The following CCDC62 variants were observed in gnomAD, a reference collection of about 807,000 sequenced individuals.
CCDC62 encodes the protein coiled-coil domain-containing protein 62.
Under a neutral mutation model 80.8 loss-of-function variants are expected in CCDC62, and 72 were observed. The observed-to-expected ratio is 0.89, with a 90% CI of 0.74 to 1.08. CCDC62 has a LOEUF of 1.08. Ranked by LOEUF, CCDC62 falls within the 50% of genes least tolerant of loss-of-function variation. CCDC62 has a pLI of 0.00. For missense variants in CCDC62, 704 were observed against 809.4 expected, an observed-to-expected ratio of 0.87 and a Z score of 1.58; for synonymous variants, 286 against 296.5, an observed-to-expected ratio of 0.96 and a Z score of 0.36.
chr12:122,793,139 A>T (rs1224830415), intron 6 of CCDC62, among the ~76,000 whole-genome samples: 3 of 152,186 alleles, frequency 2.0e-5, no homozygotes, highest in South Asian at 4.1e-4. Context: ...AAATCATCTC[A>T]CACAAAGGCT....
At chr12:122,788,524 CTAACTAGCTGTG>C (rs1239688533) in intron 4 of CCDC62, among the ~76,000 whole-genome samples, 5 of 152,224 alleles carry the variant, frequency 3.3e-5, no homozygotes, top group African/African-American at 7.2e-5. Flanking sequence ...GGCTCCACCA[CTAACTAGCTGTG>C]TAACCGTGGG....
Position 122,774,679 on chromosome 12 carries a change from T to A in CCDC62, c.9T>A (p.Pro3=). Residue 3 remains proline, a synonymous_variant, in exon 1 of 13, where the codon CCT becomes CCA. Coordinates refer to ENST00000253079, the MANE Select transcript of CCDC62 (RefSeq NM_201435.5). The stretch of plus-strand genomic sequence containing the variant: ...GGGCGGAGGAAACACCTATGAACCC[T>A]CCGGCAGCCTTCCTTGCCGGGCGCC... MN[P]PAAFLAGRQN... 8.0e-7 allele frequency: 1 copy of A among 1,255,208 alleles called. No homozygotes were observed. Among genetic ancestry groups the A allele is most frequent in the Non-Finnish European group, 1.0e-6 (1 of 991,068 alleles). 77.8% of individuals were successfully genotyped at this position (1,255,208 alleles called of 1,614,324 possible).
intron 9 of CCDC62, among the ~76,000 whole-genome samples, chr12:122,804,012 A>T (rs769605714): frequency 6.6e-6 from 1 of 152,234 alleles, no homozygotes; most frequent in Non-Finnish European, 1.5e-5. Flanking sequence ...CACATGACAA[A>T]TATGTGATTA....
At chr12:122,799,816 G>A (rs529516623) in intron 8 of CCDC62, among the ~76,000 whole-genome samples, 4 of 152,268 alleles carry the variant, frequency 2.6e-5, no homozygotes, top group East Asian at 1.9e-4. Context: ...CACCCCAGGC[G>A]TGTGGCGTGT....
intron 5 of CCDC62, 66 bp downstream of exon 5, chr12:122,788,995 T>C: frequency 1.2e-5 from 15 of 1,290,856 alleles, no homozygotes; most frequent in Non-Finnish European, 1.6e-5. Flanking sequence ...TTCATCTGGG[T>C]TCACTTAATC....
chr12:122,777,677 T>A lies in CCDC62; in HGVS notation c.223T>A (p.Leu75Ile). Reference sequence around the variant, plus strand: ...GACACTGGAAGAACGTTGCAGCAAATTAGAAGGTCAGAAATACATTCAGGG... The same window carrying A: ...GACACTGGAAGAACGTTGCAGCAAAATAGAAGGTCAGAAATACATTCAGGG... The part of the protein sequence containing the change: ...VLTLEERCSK[L>I]EGELHKRTEI... The change falls in exon 2 of 13, where the codon TTA becomes ATA. Residue 75 changes from leucine to isoleucine, a missense_variant. Transcript: ENST00000253079. 6.2e-7 allele frequency: 1 copy of A among 1,613,788 alleles called. No homozygotes were observed. Among genetic ancestry groups the A allele is most frequent in the Non-Finnish European group, 8.5e-7 (1 of 1,179,800 alleles).
chr12:122,815,509 C>T (rs879410044), intron 11 of CCDC62, among the ~76,000 whole-genome samples: 1 of 151,798 alleles, frequency 6.6e-6, no homozygotes, highest in Non-Finnish European at 1.5e-5. Flanking sequence ...GCCAGTGGCG[C>T]GATCTCGGCT....
chr12:122,815,507 C>T (rs899183238), intron 11 of CCDC62, among the ~76,000 whole-genome samples: 3 of 151,832 alleles, frequency 2.0e-5, no homozygotes, highest in Non-Finnish European at 4.4e-5. Flanking sequence ...GTGCCAGTGG[C>T]GCGATCTCGG....
intron 11 of CCDC62, among the ~76,000 whole-genome samples, chr12:122,817,139 C>T (rs965027525): frequency 7.2e-5 from 11 of 151,792 alleles, no homozygotes; most frequent in Admixed American, 5.3e-4. Flanking sequence ...GCAAGCTCCA[C>T]CTTCCGGGTT....
In CCDC62 at chr12:122,777,638, C is replaced by T. The variant is rs139160168; in HGVS notation, c.184C>T (p.Arg62Trp). Residue 62 changes from arginine (R) to tryptophan (W), a missense_variant, in exon 2 of 13, where the codon CGG becomes TGG. Arg to Trp is a moderately radical substitution (Grantham distance 101). Coordinates refer to ENST00000253079, the MANE Select transcript of CCDC62 (RefSeq NM_201435.5). ...QQQLLSWEEDRQKVLTLEERC... is the reference protein window; with the variant it reads ...QQQLLSWEEDWQKVLTLEERC... ...ACAGCTTCTTTCATGGGAAGAGGAT[C>T]GGCAGAAAGTGTTGACACTGGAAGA... is the stretch of plus-strand genomic sequence containing the variant. The T allele has an allele frequency of 1.3e-4, 216 of 1,614,062 alleles. No individual in the cohort carries two copies. The highest frequency in any genetic ancestry group is 1.7e-4 in the Non-Finnish European group (196 of 1,179,998).
intron 5 of CCDC62, among the ~76,000 whole-genome samples, chr12:122,791,274 G>T (rs1566073857): frequency 6.6e-6 from 1 of 152,058 alleles, no homozygotes; most frequent in Non-Finnish European, 1.5e-5. Context: ...GAGTAGCTGG[G>T]ATTACAGTCG....
chr12:122,820,649 G>A (rs1465214875), intron 11 of CCDC62, among the ~76,000 whole-genome samples: 1 of 152,016 alleles, frequency 6.6e-6, no homozygotes, highest in Non-Finnish European at 1.5e-5. Flanking sequence ...TTCCAGACCA[G>A]CCTAGCCAAC....
chr12:122,826,514 C>T lies in CCDC62; in HGVS notation c.*133C>T, dbSNP rs373050690. 24 of 757,704 alleles carry T rather than the reference C, an allele frequency of 3.2e-5. No homozygotes were observed. The highest frequency in any genetic ancestry group is 1.0e-4 in the South Asian group (7 of 69,734). 46.9% of individuals were successfully genotyped at this position (757,704 alleles called of 1,614,324 possible). Reference sequence around the variant, plus strand: ...AAAGAGGATTCTAGTTCTTCATAAACGGCACTTAATTCCAGCTGGGAGCAG... The same window carrying T: ...AAAGAGGATTCTAGTTCTTCATAAATGGCACTTAATTCCAGCTGGGAGCAG... On this transcript the variant is annotated 3_prime_UTR_variant, in exon 13 of 13. Coordinates refer to ENST00000253079, the MANE Select transcript of CCDC62 (RefSeq NM_201435.5).
At chr12:122,783,904 T>G (rs927907209) in intron 3 of CCDC62, among the ~76,000 whole-genome samples, 12 of 152,208 alleles carry the variant, frequency 7.9e-5, no homozygotes, top group African/African-American at 2.9e-4. Flanking sequence ...CATTGTCACC[T>G]AAAGATTACA....
Position 122,823,449 on chromosome 12 carries a change from C to A in CCDC62, c.*30C>A. ...AACAAAAGGCAACTTCAGTATTCAT[C>A]GTGATCACGAGTAAGTCACCTTTGC... On this transcript the variant is annotated 3_prime_UTR_variant, in exon 12 of 13. Coordinates refer to ENST00000253079, the MANE Select transcript of CCDC62 (RefSeq NM_201435.5). 2 of 1,527,422 alleles carry A rather than the reference C, an allele frequency of 1.3e-6. No homozygotes were observed. The highest frequency in any genetic ancestry group is 2.2e-5 in the East Asian group (1 of 44,488). 94.6% of individuals were successfully genotyped at this position (1,527,422 alleles called of 1,614,324 possible). A position where few individuals can be genotyped will look rare whatever the true frequency, so the allele number is the denominator to read the frequency against.
chr12:122,775,375 C>A (rs188540332), intron 1 of CCDC62, among the ~76,000 whole-genome samples: 23 of 152,294 alleles, frequency 1.5e-4, no homozygotes, highest in Admixed American at 5.9e-4. Flanking sequence ...GGTTCGCGTC[C>A]ATCAGTGTAA....
intron 4 of CCDC62, among the ~76,000 whole-genome samples, chr12:122,786,113 G>A (rs2030205433): frequency 6.6e-6 from 1 of 152,156 alleles, no homozygotes. Context: ...AGGTCTCATA[G>A]AGTTATGGGC....
chr12:122,805,512 T>G (rs1280227997), intron 9 of CCDC62, among the ~76,000 whole-genome samples: 1 of 125,616 alleles, frequency 8.0e-6, no homozygotes, highest in Non-Finnish European at 1.7e-5. Context: ...CCCAGCTCTT[T>G]TTTTTTTTTT....
intron 10 of CCDC62, among the ~76,000 whole-genome samples, 166 bp downstream of exon 10, chr12:122,806,461 T>C (rs1390627174): frequency 1.3e-5 from 2 of 151,738 alleles, no homozygotes; most frequent in African/African-American, 4.8e-5. Flanking sequence ...GGCAATCCTT[T>C]TATTTATTTT....
Sources: allele counts gnomAD v4.1 joint callset (sites outside exome capture counted in the v4.1 genomes callset), GRCh38; gene constraint gnomAD v4.1.1; transcripts MANE v1.5; gene names NCBI Gene and HGNC (gene_info 2026-07-23, HGNC 2026-07-21).